IL36B: variants seen among roughly 807,000 people sequenced by gnomAD.
IL36B encodes interleukin 36 beta, also known as interleukin-36 beta.
A neutral mutation model predicts 19.3 loss-of-function variants in IL36B; 23 were observed. The ratio of observed to expected loss-of-function variants is 1.19; its 90% CI spans 0.86 to 1.69. The LOEUF (loss-of-function observed/expected upper bound fraction) is 1.69, where lower values mean the gene tolerates loss of function less well. Ranked by LOEUF, IL36B falls within the 40% of genes most tolerant of loss-of-function variation. The pLI, the probability that IL36B is intolerant of heterozygous loss-of-function variation, is 0.00. For missense variants in IL36B, 217 were observed against 200.5 expected (o/e 1.08, Z -0.50); for synonymous variants, 59 against 59.7 (o/e 0.99, Z 0.05).
chr2:113,023,950 T>C (rs995318742), intron 5 of IL36B, among the ~76,000 whole-genome samples: 4 of 152,332 alleles, frequency 2.6e-5, no homozygotes, highest in African/African-American at 9.6e-5. Flanking sequence ...TGCAAGCTTA[T>C]AGAGCTTTTT....
chr2:113,041,933 G>T (rs1424680500), intron 1 of IL36B, among the ~76,000 whole-genome samples: 1 of 152,152 alleles, frequency 6.6e-6, no homozygotes. Flanking sequence ...TGGTGACGAG[G>T]TCTCAGTGCC....
intron 4 of IL36B, 21 bp downstream of exon 4, chr2:113,028,918 G>A (rs201467504): frequency 6.8e-6 from 11 of 1,610,464 alleles, no homozygotes; most frequent in South Asian, 4.4e-5. Flanking sequence ...TACTTCTCTC[G>A]TTAGCTGCAC....
intron 1 of IL36B, among the ~76,000 whole-genome samples, chr2:113,035,153 A>G (rs982765161): frequency 1.3e-5 from 2 of 152,220 alleles, no homozygotes; most frequent in African/African-American, 4.8e-5. Context: ...GAAGGGTTGG[A>G]ACCATGAGAT....
chr2:113,022,491 A>C lies in IL36B; in HGVS notation c.*183T>G. 1.9e-6 allele frequency: 1 copy of C among 535,066 alleles called. No individual in the cohort carries two copies. 33.1% of individuals were successfully genotyped at this position (535,066 alleles called of 1,614,324 possible). ...CAAATCTACTCCTAAAAAGACTCCG[A>C]CCTTCTCTAGCTTTACAGGTAAGAT... On this transcript the variant is annotated 3_prime_UTR_variant, in exon 6 of 6. Coordinates refer to ENST00000259213, the MANE Select transcript of IL36B (RefSeq NM_014438.5).
chr2:113,031,020 A>C, intron 3 of IL36B, 28 bp downstream of exon 3: 2 of 1,503,132 alleles, frequency 1.3e-6, no homozygotes, highest in Non-Finnish European at 1.9e-6. Context: ...CACCTCAAGA[A>C]GCAACAGTGG....
intron 4 of IL36B, 69 bp downstream of exon 4, chr2:113,028,870 A>G: frequency 1.3e-6 from 2 of 1,497,092 alleles, no homozygotes; most frequent in Non-Finnish European, 1.8e-6. Context: ...ATTTTTATTC[A>G]GTAACATAGT....
intron 1 of IL36B, among the ~76,000 whole-genome samples, chr2:113,038,527 C>T (rs1299026916): frequency 6.6e-6 from 1 of 152,126 alleles, no homozygotes; most frequent in South Asian, 2.1e-4. Context: ...AGATCTCAAG[C>T]GCAGCTGTGA....
intron 1 of IL36B, among the ~76,000 whole-genome samples, chr2:113,041,877 C>T (rs978985902): frequency 1.1e-4 from 16 of 152,232 alleles, no homozygotes; most frequent in African/African-American, 3.1e-4. Context: ...CTCAGCCTCC[C>T]GAGTTAACAA....
At chr2:113,028,866 A>C in intron 4 of IL36B, 73 bp downstream of exon 4, 1 of 1,474,154 alleles carries the variant, frequency 6.8e-7, no homozygotes, top group Non-Finnish European at 9.2e-7. Context: ...TATTATTTTT[A>C]TTCAGTAACA....
At chr2:113,032,740 T>G (rs938109382) in intron 1 of IL36B, among the ~76,000 whole-genome samples, 1 of 152,198 alleles carries the variant, frequency 6.6e-6, no homozygotes, top group Non-Finnish European at 1.5e-5. Context: ...GAAAAGCTGG[T>G]CCAGGACTCC....
chr2:113,036,786 T>A (rs1240763953), intron 1 of IL36B, among the ~76,000 whole-genome samples: 1 of 152,184 alleles, frequency 6.6e-6, no homozygotes, highest in African/African-American at 2.4e-5. Context: ...CCTTTCCTGG[T>A]GTGAAGGTAG....
intron 1 of IL36B, among the ~76,000 whole-genome samples, chr2:113,048,265 T>C (rs1251780625): frequency 6.6e-6 from 1 of 152,104 alleles, no homozygotes; most frequent in African/African-American, 2.4e-5. Context: ...ACAATTGTAA[T>C]TGTATTAAAT....
Position 113,026,105 on chromosome 2 carries a change from A to C in IL36B, c.389T>G (p.Val130Gly). ...GGATAAGAGAATTTGCTCCTCACCC[A>C]CTCCTATTCCCCATTGGTCAAGGGT... is the stretch of plus-strand genomic sequence containing the variant. The change falls in exon 5 of 6, where the codon GTG becomes GGG. Residue 130 changes from valine to glycine, a missense_variant and splice_region_variant. Val to Gly is a moderately radical substitution (Grantham distance 109). Coordinates refer to ENST00000259213, the MANE Select transcript of IL36B (RefSeq NM_014438.5). 2 of 1,612,494 alleles carry C rather than the reference A, an allele frequency of 1.2e-6. No individual in the cohort carries two copies. Among genetic ancestry groups the C allele is most frequent in the Non-Finnish European group, 1.7e-6 (2 of 1,179,640 alleles).
intron 1 of IL36B, among the ~76,000 whole-genome samples, chr2:113,052,042 G>C (rs1685456735): frequency 6.6e-6 from 1 of 151,550 alleles, no homozygotes; most frequent in African/African-American, 2.4e-5. Context: ...TTCACCTCCT[G>C]GGATTCAAGT....
chr2:113,047,039 G>GATATTTGTTTT (rs1003589804), intron 1 of IL36B, among the ~76,000 whole-genome samples: 1 of 152,196 alleles, frequency 6.6e-6, no homozygotes, highest in Non-Finnish European at 1.5e-5. Flanking sequence ...GGTGCTCACT[G>GATATTTGTTTT]ATATTTGTTT....
chr2:113,031,430 G>GT (rs1399377352), intron 2 of IL36B, among the ~76,000 whole-genome samples: 1 of 151,794 alleles, frequency 6.6e-6, no homozygotes, highest in Non-Finnish European at 1.5e-5. Flanking sequence ...TGTCTAGGTG[G>GT]TAAAAAAAAC....
Position 113,022,379 on chromosome 2 carries a change from T to C in IL36B, c.*295A>G, listed in dbSNP as rs1684876845. On this transcript the variant is annotated 3_prime_UTR_variant, in exon 6 of 6. Coordinates refer to ENST00000259213, the MANE Select transcript of IL36B (RefSeq NM_014438.5). ...ATTCAGGAGCAATGTTGTCTGATCT[T>C]CCCATTTTTCATGAAAACCTTGACT... 9.5e-6 allele frequency: 2 copies of C among 211,612 alleles called. No individual in the cohort carries two copies. The highest frequency in any genetic ancestry group is 8.9e-5 in the South Asian group (1 of 11,270). The allele number at this position is 211,612 out of a possible 1,614,324, so 13.1% of individuals were successfully genotyped here.
intron 5 of IL36B, among the ~76,000 whole-genome samples, chr2:113,024,504 TC>T (rs1684917586): frequency 1.3e-5 from 2 of 152,322 alleles, no homozygotes; most frequent in South Asian, 4.1e-4. Flanking sequence ...CAGAAATCTG[TC>T]ATCCCGTGCC....
intron 3 of IL36B, among the ~76,000 whole-genome samples, chr2:113,030,528 G>A (rs532038760): frequency 3.2e-4 from 49 of 152,298 alleles, no homozygotes; most frequent in Middle Eastern, 3.4e-3. Context: ...TGATAGAAAG[G>A]GTCCAGTAAA....
Sources: allele counts gnomAD v4.1 joint callset (sites outside exome capture counted in the v4.1 genomes callset), GRCh38; gene constraint gnomAD v4.1.1; transcripts MANE v1.5; gene names NCBI Gene and HGNC (gene_info 2026-07-23, HGNC 2026-07-21).